The following BMERB1 variants were observed in gnomAD, a reference collection of about 807,000 sequenced individuals.
BMERB1 encodes the protein bMERB domain containing 1.
Under a neutral mutation model 23.6 loss-of-function variants are expected in BMERB1, and 12 were observed. The observed-to-expected ratio is 0.51, with a 90% CI of 0.33 to 0.82. The LOEUF (loss-of-function observed/expected upper bound fraction) is 0.82. Ranked by LOEUF, BMERB1 falls within the 40% of genes least tolerant of loss-of-function variation. The pLI is 0.03. For missense variants in BMERB1, 247 were observed against 255.4 expected (o/e 0.97, Z 0.22); for synonymous variants, 122 against 96.6 (o/e 1.26, Z -1.54).
chr16:15,444,123 G>GGTTTTTTTTTTTTTT (rs2050966312), intron 1 of BMERB1, among the ~76,000 whole-genome samples: 1 of 35,610 alleles, frequency 2.8e-5, no homozygotes, highest in South Asian at 1.3e-3. Flanking sequence ...CACCAGCTTT[G>GGTTTTTTTTTTTTTT]TTTTTTTTTT....
At chr16:15,496,458 A>T (rs1259430636) in intron 1 of BMERB1, among the ~76,000 whole-genome samples, 1 of 152,102 alleles carries the variant, frequency 6.6e-6, no homozygotes, top group Non-Finnish European at 1.5e-5. Context: ...AAGTTACATA[A>T]CTCACTTACC....
chr16:15,456,074 G>A (rs1395347609), intron 1 of BMERB1, among the ~76,000 whole-genome samples: 1 of 152,124 alleles, frequency 6.6e-6, no homozygotes, highest in Non-Finnish European at 1.5e-5. Flanking sequence ...TAAAGTAATA[G>A]ATGCTCATTA....
chr16:15,519,074 T>TAC (rs145892599), intron 2 of BMERB1, among the ~76,000 whole-genome samples: 3,752 of 140,460 alleles, frequency 0.027, 53 homozygotes, highest in South Asian at 0.049. Context: ...ACAATCCTCT[T>TAC]ACACACACAC....
intron 1 of BMERB1, among the ~76,000 whole-genome samples, chr16:15,453,867 T>C (rs1018481337): frequency 6.6e-6 from 1 of 152,084 alleles, no homozygotes; most frequent in African/African-American, 2.4e-5. Context: ...GAGCTAACTC[T>C]GTCTCAAAAA....
chr16:15,532,913 G>A lies in BMERB1; in HGVS notation c.230+17485G>A, dbSNP rs1280701653. 2.5e-5 allele frequency: 11 copies of A among 436,532 alleles called. 1 individual carries two copies. The highest frequency in any genetic ancestry group is 1.8e-4 in the South Asian group (11 of 61,900). 27.0% of individuals were successfully genotyped at this position (436,532 alleles called of 1,614,324 possible). ...GGTTGCTTTCTGATAAATAGACCTC[G>A]TGCCTGGTAAGTGTGTTTACTTGCT... On this transcript the variant is annotated intron_variant, in intron 2 of 5. Transcript: ENST00000300006.
intron 2 of BMERB1, among the ~76,000 whole-genome samples, chr16:15,556,277 C>T (rs982102438): frequency 2.0e-5 from 3 of 152,054 alleles, no homozygotes; most frequent in Non-Finnish European, 2.9e-5. Flanking sequence ...GACTTTTTAC[C>T]TAGGGTGGAG....
At chr16:15,515,267 T>G (rs963066486) in intron 1 of BMERB1, 38 bp from the exon 2 acceptor site, 1 of 1,611,840 alleles carries the variant, frequency 6.2e-7, no homozygotes, top group African/African-American at 1.3e-5. Flanking sequence ...GGTGCAGCCT[T>G]GGGGTCCTGA....
intron 1 of BMERB1, among the ~76,000 whole-genome samples, chr16:15,451,742 T>C (rs1466733417): frequency 1.4e-5 from 2 of 138,122 alleles, no homozygotes; most frequent in Admixed American, 7.2e-5. Flanking sequence ...AATTTTTTTT[T>C]TTTTTTTTTT....
At chr16:15,517,547 G>A (rs888775107) in intron 2 of BMERB1, among the ~76,000 whole-genome samples, 1 of 150,970 alleles carries the variant, frequency 6.6e-6, no homozygotes, top group Non-Finnish European at 1.5e-5. Context: ...GAGAACATGA[G>A]TCTTGCTTTT....
chr16:15,460,136 C>T (rs181674972), intron 1 of BMERB1, among the ~76,000 whole-genome samples: 1 of 152,202 alleles, frequency 6.6e-6, no homozygotes, highest in East Asian at 1.9e-4. Flanking sequence ...ATTCCCCTAC[C>T]CTTCTCCAAC....
chr16:15,434,691 C>A lies in BMERB1; in HGVS notation c.38C>A (p.Ala13Asp). The A allele has an allele frequency of 6.2e-7, 1 of 1,613,940 alleles. No homozygotes were observed. Among genetic ancestry groups the A allele is most frequent in the Non-Finnish European group, 8.5e-7 (1 of 1,179,922 alleles). ...CAATCTTTGTCCACCCATCTGGAAG[C>A]CGAGAAGCCTCTGAGGCGCTATGGG... ...LKQSLSTHLE[A>D]EKPLRRYGAV... The change falls in exon 1 of 6, where the codon GCC (alanine) becomes GAC (aspartate). Residue 13 changes from alanine to aspartate, a missense_variant. Coordinates refer to ENST00000300006, the MANE Select transcript of BMERB1 (RefSeq NM_033201.3).
intron 1 of BMERB1, among the ~76,000 whole-genome samples, chr16:15,498,829 G>A (rs970873858): frequency 6.6e-6 from 1 of 152,228 alleles, no homozygotes; most frequent in African/African-American, 2.4e-5. Flanking sequence ...GGGAGAGGAT[G>A]CTACTGGCAG....
chr16:15,498,044 A>G (rs2051491598), intron 1 of BMERB1, among the ~76,000 whole-genome samples: 2 of 152,192 alleles, frequency 1.3e-5, no homozygotes, highest in South Asian at 2.1e-4. Flanking sequence ...GATAGATGTT[A>G]TCATTATCCT....
chr16:15,494,648 CAA>C (rs1567468269), intron 1 of BMERB1, among the ~76,000 whole-genome samples: 1 of 152,002 alleles, frequency 6.6e-6, no homozygotes, highest in African/African-American at 2.4e-5. Context: ...TTGGAATAAC[CAA>C]AGTCATTCTG....
chr16:15,512,227 C>T, intron 1 of BMERB1, among the ~76,000 whole-genome samples: 1 of 152,112 alleles, frequency 6.6e-6, no homozygotes, highest in African/African-American at 2.4e-5. Context: ...CTCCAATTTA[C>T]TGAGAATCCA....
intron 2 of BMERB1, among the ~76,000 whole-genome samples, chr16:15,542,811 C>T (rs572256528): frequency 6.6e-6 from 1 of 152,128 alleles, no homozygotes; most frequent in East Asian, 1.9e-4. Flanking sequence ...TTGGCTGCCA[C>T]TGCATCAAAC....
chr16:15,447,152 G>A (rs965403905), intron 1 of BMERB1, among the ~76,000 whole-genome samples: 3 of 152,122 alleles, frequency 2.0e-5, no homozygotes, highest in Non-Finnish European at 2.9e-5. Flanking sequence ...GTATTGGTCC[G>A]TTTTCACACT....
In BMERB1 at chr16:15,561,261, T is replaced by C. The variant is rs1358142858; in HGVS notation, c.231-6722T>C. ...TGTGAGCCACCACGCCGGCCATTTT[T>C]TTTTTTTTTTTTTTTTTTTTTTTGG... On this transcript the variant is annotated intron_variant, in intron 2 of 5. Coordinates refer to ENST00000300006, the MANE Select transcript of BMERB1 (RefSeq NM_033201.3). 5.1e-5 allele frequency among the ~76,000 whole-genome samples: 6 copies of C among 117,230 alleles called. No individual in the cohort carries two copies. The South Asian group carries it at 1.8e-3, about 35-fold the overall frequency. The allele number at this position is 117,230 out of a possible 152,430, so 76.9% of individuals were successfully genotyped here. A position where few individuals can be genotyped will look rare whatever the true frequency, so the allele number is the denominator to read the frequency against.
At chr16:15,439,189 G>A (rs958689282) in intron 1 of BMERB1, among the ~76,000 whole-genome samples, 7 of 152,128 alleles carry the variant, frequency 4.6e-5, no homozygotes, top group African/African-American at 1.7e-4. Context: ...AGCAAAGAAG[G>A]AACGTTTTGA....
Sources: gnomAD v4.1 joint callset for allele counts (sites outside exome capture counted in the v4.1 genomes callset) on GRCh38, gnomAD v4.1.1 for gene constraint, MANE v1.5 for transcripts, NCBI Gene and HGNC (gene_info 2026-07-23, HGNC 2026-07-21) for gene names.